Variants in ADGRG6 observed in about 807,000 individuals in gnomAD.
ADGRG6 encodes the protein G-protein coupled receptor 126.
A neutral mutation model predicts 142.4 loss-of-function variants in ADGRG6; 84 were observed. That is an observed-to-expected ratio of 0.59 (90% CI 0.49 to 0.71). The LOEUF (loss-of-function observed/expected upper bound fraction) is 0.71, where lower values mean the gene tolerates loss of function less well. ADGRG6 is among the 30% of genes least tolerant of loss of function. The pLI, the probability that ADGRG6 is intolerant of heterozygous loss-of-function variation, is 0.00. For missense variants in ADGRG6, 1,367 were observed against 1,466.6 expected (o/e 0.93, Z 1.11); for synonymous variants, 521 against 520.5 (o/e 1.00, Z -0.01).
chr6:142,407,298 T>G (rs1035325624), intron 15 of ADGRG6, among the ~76,000 whole-genome samples: 3 of 149,446 alleles, frequency 2.0e-5, no homozygotes, highest in South Asian at 2.1e-4. Flanking sequence ...GGTGATGGTG[T>G]TTTTTTTTGT....
intron 2 of ADGRG6, among the ~76,000 whole-genome samples, chr6:142,322,724 T>G (rs1198634473): frequency 6.6e-6 from 1 of 152,162 alleles, no homozygotes; most frequent in Non-Finnish European, 1.5e-5. Context: ...CATGGGTGAC[T>G]CAGGAAAGCT....
At chr6:142,371,079 C>A in intron 4 of ADGRG6, 5 of 334,342 alleles carry the variant, frequency 1.5e-5, no homozygotes, top group Non-Finnish European at 2.2e-5. Context: ...GAGTTTATCA[C>A]GAATATAACA....
intron 4 of ADGRG6, among the ~76,000 whole-genome samples, chr6:142,380,179 C>T (rs1290393471): frequency 6.6e-6 from 1 of 152,148 alleles, no homozygotes; most frequent in African/African-American, 2.4e-5. Context: ...CTCCAGGTAA[C>T]AGGCTTCACA....
intron 6 of ADGRG6, among the ~76,000 whole-genome samples, chr6:142,389,728 T>A (rs758990768): frequency 4.6e-5 from 7 of 151,876 alleles, no homozygotes; most frequent in Non-Finnish European, 1.0e-4. Context: ...AAATGCAGCC[T>A]AGTAGTTTAA....
rs1777997464 is a variant in ADGRG6 at position 142,315,429 on chromosome 6, A to C, written c.103+5785A>C. Among the ~76,000 whole-genome samples, 3 of 152,056 alleles carry C rather than the reference A, an allele frequency of 2.0e-5. No homozygotes were observed. In the South Asian group the frequency reaches 6.2e-4, roughly 31 times the overall value. Reference sequence around the variant, plus strand: ...CCAATATATTCCAGATGTAATGAGCAAATATACTTTATAGGGTGGGGTAGT... The same window carrying C: ...CCAATATATTCCAGATGTAATGAGCCAATATACTTTATAGGGTGGGGTAGT... On this transcript the variant is annotated intron_variant, in intron 2 of 24. Transcript: ENST00000367609.
intron 2 of ADGRG6, among the ~76,000 whole-genome samples, chr6:142,348,981 G>C (rs535885364): frequency 1.3e-5 from 2 of 152,228 alleles, no homozygotes; most frequent in East Asian, 3.9e-4. Flanking sequence ...AATGAGGGAA[G>C]CTAAACTTTG....
rs1012867984 is a variant in ADGRG6, at chr6:142,445,729, A to G, written c.*2214A>G. Reference sequence around the variant, plus strand: ...TTCTAAGCATGCAGTTCTCACCTCCATTTAGTCCCCCATCAGAACAGAGGT... The same window carrying G: ...TTCTAAGCATGCAGTTCTCACCTCCGTTTAGTCCCCCATCAGAACAGAGGT... On this transcript the variant is annotated 3_prime_UTR_variant, in exon 25 of 25. Transcript: ENST00000367609. 2.0e-5 allele frequency: 3 copies of G among 152,180 alleles called. No individual in the cohort carries two copies. The highest frequency in any genetic ancestry group is 6.6e-5 in the Admixed American group (1 of 15,262). 9.4% of individuals were successfully genotyped at this position (152,180 alleles called of 1,614,324 possible). A position where few individuals can be genotyped will look rare whatever the true frequency, so the allele number is the denominator to read the frequency against.
intron 2 of ADGRG6, among the ~76,000 whole-genome samples, chr6:142,348,430 A>G (rs1172486050): frequency 1.3e-5 from 2 of 152,128 alleles, no homozygotes; most frequent in Non-Finnish European, 2.9e-5. Flanking sequence ...TATTGGTAAA[A>G]AAAAGGAAAA....
rs6570509 is a variant in ADGRG6 at position 142,395,149 on chromosome 6, G to C, written c.1424+1191G>C. On this transcript the variant is annotated intron_variant, in intron 9 of 24. Coordinates refer to ENST00000367609, the MANE Select transcript of ADGRG6 (RefSeq NM_198569.3). ...GAAAGATGTCATTTTTGTATACATA[G>C]TAAATGGACTGGATTGAGCCATGTG... 2.6e-5 allele frequency among the ~76,000 whole-genome samples: 4 copies of C among 151,808 alleles called. No homozygotes were observed. The South Asian group carries it at 8.3e-4, about 32-fold the overall frequency.
At chr6:142,402,232 C>A (rs1775560216) in intron 12 of ADGRG6, among the ~76,000 whole-genome samples, 174 bp downstream of exon 12, 1 of 152,096 alleles carries the variant, frequency 6.6e-6, no homozygotes, top group Non-Finnish European at 1.5e-5. Flanking sequence ...TTTTAACTTT[C>A]TGTTCTGTAG....
At chr6:142,338,397 C>T (rs968790839) in intron 2 of ADGRG6, among the ~76,000 whole-genome samples, 6 of 151,520 alleles carry the variant, frequency 4.0e-5, no homozygotes, top group South Asian at 2.1e-4. Context: ...AACTATGTTT[C>T]GAATATCTAA....
At chr6:142,339,988 CT>C (rs1231945237) in intron 2 of ADGRG6, among the ~76,000 whole-genome samples, 1 of 152,054 alleles carries the variant, frequency 6.6e-6, no homozygotes, top group Non-Finnish European at 1.5e-5. Flanking sequence ...GGCAAAAAAG[CT>C]TTTGAATATT....
At chr6:142,374,005 T>C (rs943748197) in intron 4 of ADGRG6, among the ~76,000 whole-genome samples, 12 of 151,968 alleles carry the variant, frequency 7.9e-5, no homozygotes, top group Admixed American at 7.9e-4. Context: ...TAAGCTCCCT[T>C]GTTCTTATAA....
chr6:142,399,621 AT>A (rs1775394096), intron 10 of ADGRG6, among the ~76,000 whole-genome samples: 1 of 152,220 alleles, frequency 6.6e-6, no homozygotes, highest in Non-Finnish European at 1.5e-5. Context: ...AATTTAAATT[AT>A]CCGTTTTATT....
In ADGRG6 at chr6:142,302,027, C is replaced by T; in HGVS notation, c.-303C>T. 2.0e-6 allele frequency: 1 copy of T among 495,868 alleles called. No individual in the cohort carries two copies. Among genetic ancestry groups the T allele is most frequent in the Non-Finnish European group, 3.5e-6 (1 of 283,372 alleles). 30.7% of individuals were successfully genotyped at this position (495,868 alleles called of 1,614,324 possible). On this transcript the variant is annotated 5_prime_UTR_variant, in exon 1 of 25. Coordinates refer to ENST00000367609, the MANE Select transcript of ADGRG6 (RefSeq NM_198569.3). ...CTGGCCCGGTCTCCTCAGCACCAGCCCCACGCACACCCTACTTCCTCAGCT... is the reference window on the plus strand; with the variant it reads ...CTGGCCCGGTCTCCTCAGCACCAGCTCCACGCACACCCTACTTCCTCAGCT...
In ADGRG6 at chr6:142,400,499, A is replaced by G. The variant is rs199876211; in HGVS notation, c.1582A>G (p.Met528Val). The change falls in exon 11 of 25, where the codon ATG (methionine) becomes GTG (valine). Residue 528 changes from methionine (M) to valine (V), a missense_variant. By Grantham distance (21) the Met-to-Val change is conservative (BLOSUM62 1). Coordinates refer to ENST00000367609, the MANE Select transcript of ADGRG6 (RefSeq NM_198569.3). ...TGTTCATATAGGTCATTGTCTTGCC[A>G]TGGAGGAACCCAAAGGCTACTACTG... ...NVRQLGHCLA[M>V]EEPKGYYWPS... 3 of 1,548,398 alleles carry G rather than the reference A, an allele frequency of 1.9e-6. No individual in the cohort carries two copies. The highest frequency in any genetic ancestry group is 2.2e-5 in the East Asian group (1 of 44,536).
intron 2 of ADGRG6, among the ~76,000 whole-genome samples, chr6:142,338,908 G>A (rs926331314): frequency 1.3e-5 from 2 of 152,080 alleles, no homozygotes; most frequent in African/African-American, 4.8e-5. Flanking sequence ...TCTTTCAATA[G>A]CTAACTCATT....
chr6:142,419,980 G>T lies in ADGRG6; in HGVS notation c.3195G>T (p.Arg1065Ser), dbSNP rs1165186381. Residue 1065 changes from arginine (R) to serine (S), a missense_variant, in exon 22 of 25, where the codon AGG (arginine) becomes AGT (serine). Coordinates refer to ENST00000367609, the MANE Select transcript of ADGRG6 (RefSeq NM_198569.3). ...SNRTLREEVLRNLRSVVSLTF... is the reference protein window; with the variant it reads ...SNRTLREEVLSNLRSVVSLTF... ...GGACCCTGAGAGAAGAAGTGTTAAG[G>T]AACCTGCGCAGTGTGGTTAGCTTGA... 4.3e-6 allele frequency: 7 copies of T among 1,613,482 alleles called. No individual in the cohort carries two copies. Among genetic ancestry groups the T allele is most frequent in the Non-Finnish European group, 5.9e-6 (7 of 1,179,662 alleles).
intron 18 of ADGRG6, among the ~76,000 whole-genome samples, 162 bp downstream of exon 18, chr6:142,411,573 G>C (rs1776091317): frequency 6.6e-6 from 1 of 152,106 alleles, no homozygotes. Flanking sequence ...AATTAGCAAA[G>C]ATCACATATT....
Sources: gnomAD v4.1 joint callset for allele counts (sites outside exome capture counted in the v4.1 genomes callset) on GRCh38, gnomAD v4.1.1 for gene constraint, MANE v1.5 for transcripts, NCBI Gene and HGNC (gene_info 2026-07-23, HGNC 2026-07-21) for gene names.